MTRR: variants seen among roughly 807,000 people sequenced by gnomAD.
The protein encoded by MTRR is methionine synthase reductase.
A neutral mutation model predicts 79.2 loss-of-function variants in MTRR; 63 were observed. The ratio of observed to expected loss-of-function variants is 0.80; its 90% CI spans 0.65 to 0.98. The LOEUF (loss-of-function observed/expected upper bound fraction) is 0.98. Ranked by LOEUF, MTRR falls within the 50% of genes least tolerant of loss-of-function variation. The pLI is 0.00. For synonymous variants in MTRR, 355 were observed against 313.3 expected (o/e 1.13, Z -1.41); for missense variants, 895 against 839.6 (o/e 1.07, Z -0.82).
chr5:7,855,091 A>C (rs1746200803), intron 1 of MTRR, among the ~76,000 whole-genome samples: 1 of 152,216 alleles, frequency 6.6e-6, no homozygotes, highest in Admixed American at 6.5e-5. Flanking sequence ...TTCTCCAATA[A>C]CTTAATGACA....
In MTRR at chr5:7,885,851, A is replaced by AAAGGTAACAGCCCT. The variant is rs761895684; in HGVS notation, c.1055_1057+11dup. The AAAGGTAACAGCCCT allele has an allele frequency of 2.8e-5, 45 of 1,614,110 alleles. No individual in the cohort carries two copies. The South Asian group carries it at 4.8e-4, about 17-fold the overall frequency. On this transcript the variant is annotated frameshift_variant, in exon 7 of 15. Coordinates refer to ENST00000440940, the MANE Select transcript of MTRR (RefSeq NM_002454.3). LOFTEE classifies it high-confidence loss of function. ...GAAAATAAAGGCAGACACAAAGAAG[A>AAAGGTAACAGCCCT]AAGGTAACAGCCCTGATGCTGTGAC...
At chr5:7,860,408 T>A (rs2126589422) in intron 1 of MTRR, among the ~76,000 whole-genome samples, 1 of 152,362 alleles carries the variant, frequency 6.6e-6, no homozygotes, top group South Asian at 2.1e-4. Flanking sequence ...TAATGGATTA[T>A]CTTGTTCATT....
At chr5:7,888,610 A>C (rs547282476) in intron 8 of MTRR, among the ~76,000 whole-genome samples, 2 of 152,324 alleles carry the variant, frequency 1.3e-5, no homozygotes, top group South Asian at 4.1e-4. Context: ...TCCTTTGGGA[A>C]CAGTGATTTT....
chr5:7,875,413 C>G (rs1008627951), intron 4 of MTRR, 38 bp downstream of exon 4: 38 of 1,445,020 alleles, frequency 2.6e-5, no homozygotes, highest in Non-Finnish European at 3.5e-5. Flanking sequence ...AATAAGCCCT[C>G]TATACATGAT....
At chr5:7,866,855 G>A (rs776679614), upstream of MTRR, 9 of 1,614,000 alleles carry the variant, frequency 5.6e-6, no homozygotes, top group South Asian at 5.5e-5. Flanking sequence ...TTCCATTAAG[G>A]CAGAAATCTG....
chr5:7,872,995 G>T (rs960953061), intron 2 of MTRR, among the ~76,000 whole-genome samples: 10 of 152,126 alleles, frequency 6.6e-5, no homozygotes, highest in African/African-American at 2.2e-4. Flanking sequence ...ATGACTCAGT[G>T]GCAAAGAGTT....
Position 7,878,318 on chromosome 5 carries a change from G to C in MTRR, c.776G>C (p.Gly259Ala). 1 of 1,614,156 alleles carries C rather than the reference G, an allele frequency of 6.2e-7. No homozygotes were observed. Among genetic ancestry groups the C allele is most frequent in the Admixed American group, 1.7e-5 (1 of 60,026 alleles). The stretch of plus-strand genomic sequence containing the variant: ...CAGGTACATCTGCAGGAGTCTCTTG[G>C]CCAGGTAAGGAAGTTTTTCTTTATG... ...YLQVHLQESL[G>A]QEESQVSVTS... is the part of the protein sequence containing the mutation. Residue 259 changes from glycine to alanine, a missense_variant, in exon 5 of 15, where the codon GGC becomes GCC. Coordinates refer to ENST00000440940, the MANE Select transcript of MTRR (RefSeq NM_002454.3).
At chr5:7,874,623 A>G (rs1416796465) in intron 3 of MTRR, among the ~76,000 whole-genome samples, 1 of 143,490 alleles carries the variant, frequency 7.0e-6, no homozygotes, top group Non-Finnish European at 1.5e-5. Flanking sequence ...ACCATGAGAC[A>G]TAGAAGCAAT....
intron 2 of MTRR, 95 bp from the exon 3 acceptor site, chr5:7,873,278 T>TA: frequency 6.6e-7 from 1 of 1,507,910 alleles, no homozygotes; most frequent in Non-Finnish European, 9.2e-7. Flanking sequence ...AAGATTGAAA[T>TA]ACAAGACAGG....
At chr5:7,869,254 G>C (rs1413469922) in intron 1 of MTRR, 39 bp downstream of exon 1, 1 of 1,598,044 alleles carries the variant, frequency 6.3e-7, no homozygotes, top group Non-Finnish European at 8.5e-7. Context: ...GATTCCGGCC[G>C]CTCGCCCTGC....
At chr5:7,887,896 A>G (rs1189629984) in intron 8 of MTRR, among the ~76,000 whole-genome samples, 1 of 149,220 alleles carries the variant, frequency 6.7e-6, no homozygotes, top group Non-Finnish European at 1.5e-5. Flanking sequence ...CCAGGAAACC[A>G]AAGTATTTTA....
At chr5:7,880,602 G>A (rs1430434989) in intron 5 of MTRR, among the ~76,000 whole-genome samples, 4 of 152,188 alleles carry the variant, frequency 2.6e-5, no homozygotes, top group Non-Finnish European at 5.9e-5. Context: ...AGCTTTTTAA[G>A]GATGTCATTT....
In MTRR at chr5:7,878,039, C is replaced by T. The variant is rs1299901188; in HGVS notation, c.497C>T (p.Ala166Val). The change falls in exon 5 of 15, where the codon GCA becomes GTA. Residue 166 changes from alanine (A) to valine (V), a missense_variant. Physicochemically the swap from Ala to Val is moderately conservative, Grantham distance 64. Coordinates refer to ENST00000440940, the MANE Select transcript of MTRR (RefSeq NM_002454.3). Reference sequence around the variant, plus strand: ...AGAGGACAAGAGGAGATAAGTGGCGCACTCCCGGTGGCATCACCTGCATCC... The same window carrying T: ...AGAGGACAAGAGGAGATAAGTGGCGTACTCCCGGTGGCATCACCTGCATCC... The part of the protein sequence containing the change: ...SSRGQEEISG[A>V]LPVASPASSR... 4 of 1,613,822 alleles carry T rather than the reference C, an allele frequency of 2.5e-6. No homozygotes were observed. The highest frequency in any genetic ancestry group is 3.4e-6 in the Non-Finnish European group (4 of 1,179,986).
At chr5:7,869,049 G>A, upstream of MTRR, 2 of 1,516,882 alleles carry the variant, frequency 1.3e-6, no homozygotes, top group Non-Finnish European at 9.1e-7. Flanking sequence ...CGTAGCAAAC[G>A]CGGGGCGGGA....
At chr5:7,887,981 G>A (rs1736909040) in intron 8 of MTRR, among the ~76,000 whole-genome samples, 1 of 151,538 alleles carries the variant, frequency 6.6e-6, no homozygotes, top group Admixed American at 6.6e-5. Context: ...TATATGTGCT[G>A]TTCCATAACT....
At chr5:7,894,475 G>A (rs1283302416) in intron 11 of MTRR, among the ~76,000 whole-genome samples, 4 of 152,224 alleles carry the variant, frequency 2.6e-5, no homozygotes. Flanking sequence ...CTCAAGTGAA[G>A]CAGTCCCACA....
intron 1 of MTRR, among the ~76,000 whole-genome samples, chr5:7,859,868 G>A (rs1224181437): frequency 1.3e-5 from 2 of 152,236 alleles, no homozygotes; most frequent in East Asian, 3.8e-4. Context: ...GTAGGTTGGT[G>A]ATCTAGTGCT....
At chr5:7,851,327 C>T (rs1274342446) in exon 1 of MTRR, 1 of 306,142 alleles carries the variant, frequency 3.3e-6, no homozygotes, top group Non-Finnish European at 6.0e-6. Context: ...AGCCCGCTCA[C>T]CTTTCCCATG....
At position 7,890,478 on chromosome 5, in the gene MTRR, G is replaced by T. The variant is rs892069400; in HGVS notation, c.1328-894G>T. The T allele has an allele frequency of 8.6e-6, 8 of 932,044 alleles. No homozygotes were observed. In the East Asian group the frequency reaches 7.0e-4, roughly 82 times the overall value. The allele number at this position is 932,044 out of a possible 1,614,324, so 57.7% of individuals were successfully genotyped here. A position where few individuals can be genotyped will look rare whatever the true frequency, so the allele number is the denominator to read the frequency against. On this transcript the variant is annotated intron_variant, in intron 9 of 14. Coordinates refer to ENST00000440940, the MANE Select transcript of MTRR (RefSeq NM_002454.3). ...ATACTAATTTATTTCAATTCTTTTCGTAGATTTTTTGTTACCTTTTAGAAT... is the reference window on the plus strand; with the variant it reads ...ATACTAATTTATTTCAATTCTTTTCTTAGATTTTTTGTTACCTTTTAGAAT...
Sources: allele counts gnomAD v4.1 joint callset (sites outside exome capture counted in the v4.1 genomes callset), GRCh38; gene constraint gnomAD v4.1.1; transcripts MANE v1.5; gene names NCBI Gene and HGNC (gene_info 2026-07-23, HGNC 2026-07-21).